NOL8: variants seen among roughly 807,000 people sequenced by gnomAD.
NOL8 encodes nucleolar protein 8.
In NOL8, 93 loss-of-function variants were observed where a neutral mutation model predicts 116.1. The observed-to-expected ratio is 0.80, with a 90% confidence interval of 0.68 to 0.95. The LOEUF (loss-of-function observed/expected upper bound fraction) is 0.95, where lower values mean the gene tolerates loss of function less well. Among genes scored for constraint, NOL8 ranks in the 40% least tolerant of loss-of-function variants. The pLI is 0.00. For missense variants in NOL8, 1,291 were observed against 1,382.8 expected (o/e 0.93, Z 1.05); for synonymous variants, 419 against 469.0 (o/e 0.89, Z 1.38).
intron 4 of NOL8, chr9:92,320,183 T>G (rs1477229772): frequency 2.2e-6 from 1 of 456,108 alleles, no homozygotes; most frequent in African/African-American, 2.0e-5. Flanking sequence ...CACCGCCACC[T>G]TCTTCAGGCC....
intron 7 of NOL8, among the ~76,000 whole-genome samples, chr9:92,312,973 AAAAT>A (rs1252442426): frequency 5.9e-5 from 9 of 151,284 alleles, no homozygotes; most frequent in Non-Finnish European, 1.3e-4. Context: ...CCCAGAACCT[AAAAT>A]AAAGGAAGAA....
At chr9:92,321,536 A>T (rs991174944) in intron 4 of NOL8, 132 bp downstream of exon 4, 2 of 594,538 alleles carry the variant, frequency 3.4e-6, no homozygotes, top group African/African-American at 5.2e-5. Context: ...GTTGAAAGGG[A>T]TTTCAGCTCT....
At chr9:92,317,446 G>T (rs186712637) in intron 6 of NOL8, among the ~76,000 whole-genome samples, 2 of 152,310 alleles carry the variant, frequency 1.3e-5, no homozygotes, top group Admixed American at 1.3e-4. Context: ...TCCTGACTTT[G>T]AGCCACTTGT....
At chr9:92,316,239 C>T (rs1312751967) in intron 6 of NOL8, 101 bp from the exon 7 acceptor site, 5 of 1,275,998 alleles carry the variant, frequency 3.9e-6, no homozygotes, top group Non-Finnish European at 5.3e-6. Context: ...AGTCATTTCC[C>T]CCCCCTTTCA....
intron 2 of NOL8, 84 bp from the exon 3 acceptor site, chr9:92,323,587 T>C: frequency 1.0e-6 from 1 of 954,028 alleles, no homozygotes; most frequent in Non-Finnish European, 1.4e-6. Flanking sequence ...GTTTCTAAAT[T>C]AAAAAAAAAA....
intron 14 of NOL8, 117 bp from the exon 15 acceptor site, chr9:92,299,071 T>G: frequency 2.0e-6 from 1 of 493,000 alleles, no homozygotes; most frequent in South Asian, 4.6e-5. Flanking sequence ...AATATATCTT[T>G]TTTCATTTCC....
intron 2 of NOL8, 41 bp downstream of exon 2, chr9:92,323,982 T>C: frequency 6.2e-7 from 1 of 1,602,262 alleles, no homozygotes; most frequent in Non-Finnish European, 8.5e-7. Flanking sequence ...TAACCTGAGT[T>C]ATGTCTGCCT....
chr9:92,299,769 TA>T (rs1006002494), intron 14 of NOL8, 120 bp downstream of exon 14: 6 of 1,064,576 alleles, frequency 5.6e-6, no homozygotes, highest in Non-Finnish European at 8.0e-6. Context: ...AAAAATAAAA[TA>T]AAAAAAGAAG....
In NOL8 at chr9:92,307,309, G is replaced by A. The variant is rs75149413; in HGVS notation, c.2687-285C>T. 9.4e-3 allele frequency among the ~76,000 whole-genome samples: 1,428 copies of A among 152,232 alleles called. 12 individuals carry two copies. Among genetic ancestry groups the A allele is most frequent in the Middle Eastern group, 0.024 (7 of 294 alleles). ...GTCTAAAACTTTTAAGGTAAAGATCGACAAATGTAATAGAGCAAGATACTA... is the reference window on the plus strand; with the variant it reads ...GTCTAAAACTTTTAAGGTAAAGATCAACAAATGTAATAGAGCAAGATACTA... On this transcript the variant is annotated intron_variant, in intron 10 of 16. Coordinates refer to ENST00000442668, the MANE Select transcript of NOL8 (RefSeq NM_017948.6).
chr9:92,297,765 A>C lies in NOL8; in HGVS notation c.*71T>G, dbSNP rs1241648437. 8.6e-7 allele frequency: 1 copy of C among 1,168,192 alleles called. No homozygotes were observed. Among genetic ancestry groups the C allele is most frequent in the Non-Finnish European group, 1.2e-6 (1 of 837,566 alleles). 72.4% of individuals were successfully genotyped at this position (1,168,192 alleles called of 1,614,324 possible). ...TCTGAAATTTCTTCTTTGTCAGCTA[A>C]AACTGTTTTCTGGGTCAGTTTCCTT... On this transcript the variant is annotated 3_prime_UTR_variant, in exon 17 of 17. Transcript: ENST00000442668.
chr9:92,299,857 T>C (rs778119617), intron 14 of NOL8, 33 bp downstream of exon 14: 7 of 1,604,476 alleles, frequency 4.4e-6, no homozygotes, highest in Non-Finnish European at 5.1e-6. Context: ...TTACAAATTA[T>C]GAACTATGCC....
At chr9:92,319,875 G>C in intron 4 of NOL8, 2 of 363,524 alleles carry the variant, frequency 5.5e-6, no homozygotes, top group South Asian at 4.2e-5. Flanking sequence ...AGAGCATGAG[G>C]GTTCTTTTCT....
intron 7 of NOL8, among the ~76,000 whole-genome samples, chr9:92,312,446 TAAAAAAA>T (rs34116665): frequency 3.9e-3 from 227 of 57,560 alleles, no homozygotes; most frequent in South Asian, 0.022. Flanking sequence ...TGAGACCCTG[TAAAAAAA>T]AAAAAAAAAA....
intron 16 of NOL8, 38 bp from the exon 17 acceptor site, chr9:92,297,924 T>C (rs1837376083): frequency 1.3e-6 from 2 of 1,512,038 alleles, no homozygotes; most frequent in Admixed American, 2.1e-5. Context: ...AATAAACAAA[T>C]TGTTTTTAAG....
At chr9:92,306,560 GTC>G (rs1368732674) in intron 11 of NOL8, among the ~76,000 whole-genome samples, 1 of 152,090 alleles carries the variant, frequency 6.6e-6, no homozygotes, top group African/African-American at 2.4e-5. Context: ...GCTTTCATTA[GTC>G]TCTCTAAATT....
In NOL8 at chr9:92,319,353, C is replaced by A; in HGVS notation, c.285G>T (p.Leu95Phe). The A allele has an allele frequency of 6.5e-7, 1 of 1,544,272 alleles. No homozygotes were observed. The highest frequency in any genetic ancestry group is 8.7e-7 in the Non-Finnish European group (1 of 1,155,004). The change falls in exon 5 of 17, where the codon TTG becomes TTT. Residue 95 changes from leucine (L) to phenylalanine (F), a missense_variant. Leu to Phe is a conservative substitution (Grantham distance 22). Transcript: ENST00000442668. The part of the protein sequence containing the change: ...QLAKESFLHR[L>F]AQEREAAKAK... Reference sequence around the variant, plus strand: ...CTTTTGCTGCTTCTCTCTCTTGGGCCAATCTGAATCAAAAAGAAAATACAA... The same window carrying A: ...CTTTTGCTGCTTCTCTCTCTTGGGCAAATCTGAATCAAAAAGAAAATACAA...
intron 7 of NOL8, among the ~76,000 whole-genome samples, chr9:92,313,466 C>G (rs894108554): frequency 2.6e-5 from 4 of 152,174 alleles, no homozygotes; most frequent in Non-Finnish European, 5.9e-5. Context: ...GCTGGATGGC[C>G]TTTGAGGTGT....
In NOL8 at chr9:92,315,975, G is replaced by C; in HGVS notation, c.650C>G (p.Pro217Arg). 5 of 1,613,844 alleles carry C rather than the reference G, an allele frequency of 3.1e-6. No individual in the cohort carries two copies. Among genetic ancestry groups the C allele is most frequent in the Non-Finnish European group, 4.2e-6 (5 of 1,179,876 alleles). Residue 217 changes from proline to arginine, a missense_variant, in exon 7 of 17, where the codon CCC (proline) becomes CGC (arginine). Physicochemically the swap from Pro to Arg is moderately radical, Grantham distance 103 (BLOSUM62 -2). Transcript: ENST00000442668. The part of the protein sequence containing the change: ...RGEFSDFHGP[P>R]KKIIKVQKDE... ...CTTCTGCACTTTTATTATCTTCTTG[G>C]GAGGGCCATGAAAGTCAGAGAACTC...
intron 12 of NOL8, among the ~76,000 whole-genome samples, chr9:92,305,461 G>A (rs1271015959): frequency 1.3e-5 from 2 of 152,168 alleles, no homozygotes; most frequent in Non-Finnish European, 2.9e-5. Flanking sequence ...AACTAAGTTT[G>A]TGGTAGCTAC....
Sources: gnomAD v4.1 joint callset for allele counts (sites outside exome capture counted in the v4.1 genomes callset) on GRCh38, gnomAD v4.1.1 for gene constraint, MANE v1.5 for transcripts, NCBI Gene and HGNC (gene_info 2026-07-23, HGNC 2026-07-21) for gene names.